Variants in TCF12 observed in about 807,000 individuals in gnomAD.
The protein encoded by TCF12 is DNA-binding protein HTF4.
A neutral mutation model predicts 86.0 loss-of-function variants in TCF12; 45 were observed. The observed-to-expected ratio is 0.52, with a 90% CI of 0.41 to 0.67. TCF12 has a LOEUF of 0.67. TCF12 is among the 30% of genes least tolerant of loss of function. TCF12 has a pLI of 0.00. For missense variants in TCF12, 881 were observed against 859.9 expected (o/e 1.02, Z -0.31); for synonymous variants, 330 against 299.6 (o/e 1.10, Z -1.05).
At chr15:57,242,315 CA>C (rs2059669561) in intron 12 of TCF12, among the ~76,000 whole-genome samples, 1 of 152,116 alleles carries the variant, frequency 6.6e-6, no homozygotes, top group South Asian at 2.1e-4. Flanking sequence ...GATTATTATG[CA>C]TATTAAAAGA....
chr15:57,084,943 G>A (rs548673068), intron 4 of TCF12, among the ~76,000 whole-genome samples: 4 of 152,136 alleles, frequency 2.6e-5, no homozygotes, highest in African/African-American at 9.6e-5. Flanking sequence ...ACACTATATA[G>A]TACAGTTTTT....
At chr15:57,155,696 G>C (rs1391948358) in intron 5 of TCF12, among the ~76,000 whole-genome samples, 1 of 152,148 alleles carries the variant, frequency 6.6e-6, no homozygotes, top group African/African-American at 2.4e-5. Flanking sequence ...TTGGAAGGCT[G>C]AAGCAGGAGG....
intron 3 of TCF12, among the ~76,000 whole-genome samples, chr15:56,967,317 C>T (rs556598038): frequency 2.4e-4 from 36 of 150,880 alleles, no homozygotes; most frequent in African/African-American, 6.3e-4. Flanking sequence ...AAAAAAAAAA[C>T]GCTGAAGTTG....
intron 8 of TCF12, among the ~76,000 whole-genome samples, chr15:57,213,315 G>T (rs1426735501): frequency 6.6e-6 from 1 of 152,128 alleles, no homozygotes; most frequent in African/African-American, 2.4e-5. Context: ...ATAAATTCAA[G>T]ATCTGTATGA....
intron 3 of TCF12, among the ~76,000 whole-genome samples, chr15:57,021,318 G>C (rs1266367410): frequency 6.6e-6 from 1 of 152,204 alleles, no homozygotes. Flanking sequence ...GGGAAGGCAT[G>C]GGTAAGCTCT....
intron 8 of TCF12, among the ~76,000 whole-genome samples, chr15:57,203,445 A>G (rs2057655396): frequency 1.3e-5 from 2 of 152,204 alleles, no homozygotes; most frequent in Non-Finnish European, 2.9e-5. Context: ...ATATCAGAAC[A>G]AGTCTTTCCA....
At chr15:57,042,038 T>C (rs1216693486) in intron 3 of TCF12, among the ~76,000 whole-genome samples, 1 of 152,212 alleles carries the variant, frequency 6.6e-6, no homozygotes, top group Non-Finnish European at 1.5e-5. Context: ...ATTAATATAA[T>C]TGCCATTTTC....
intron 3 of TCF12, among the ~76,000 whole-genome samples, chr15:57,024,638 T>C (rs1412628034): frequency 6.6e-6 from 1 of 152,248 alleles, no homozygotes; most frequent in Non-Finnish European, 1.5e-5. Context: ...GCTTTAGAGC[T>C]GCTGCCAAAG....
At chr15:56,923,177 T>C (rs2059866025) in intron 3 of TCF12, among the ~76,000 whole-genome samples, 1 of 152,072 alleles carries the variant, frequency 6.6e-6, no homozygotes, top group African/African-American at 2.4e-5. Flanking sequence ...GTAATTTCCT[T>C]TCTTATTTGT....
At chr15:57,227,731 A>G (rs1282057602) in intron 8 of TCF12, among the ~76,000 whole-genome samples, 1 of 152,078 alleles carries the variant, frequency 6.6e-6, no homozygotes, top group Non-Finnish European at 1.5e-5. Context: ...TTAGAGGGGA[A>G]AGTATAAGTG....
rs2059202708 is a variant in TCF12 at position 57,232,838 on chromosome 15, G to A, written c.952G>A (p.Gly318Arg). The A allele has an allele frequency of 3.8e-6, 6 of 1,596,606 alleles. No individual in the cohort carries two copies. The highest frequency in any genetic ancestry group is 5.1e-6 in the Non-Finnish European group (6 of 1,171,848). ...TGCCTCACACACTCCTCCCATCAATGGATCAGACAGCATTCTAGGTGAGCT... is the reference window on the plus strand; with the variant it reads ...TGCCTCACACACTCCTCCCATCAATAGATCAGACAGCATTCTAGGTGAGCT... ...VAASHTPPINGSDSILGTRGN... is the reference protein window; with the variant it reads ...VAASHTPPINRSDSILGTRGN... Residue 318 changes from glycine (G) to arginine (R), a missense_variant, in exon 11 of 21, where the codon GGA (glycine) becomes AGA (arginine). This residue lies in a region of TCF12 where 766 missense variants were observed against 718.9 expected (regional missense o/e 1.07). Coordinates refer to ENST00000333725, the MANE Select transcript of TCF12 (RefSeq NM_207037.2).
intron 3 of TCF12, among the ~76,000 whole-genome samples, chr15:57,053,496 T>G (rs1328273393): frequency 6.6e-6 from 1 of 152,230 alleles, no homozygotes; most frequent in Non-Finnish European, 1.5e-5. Flanking sequence ...TGTTTTTGCT[T>G]TTTTGTCTGT....
intron 3 of TCF12, among the ~76,000 whole-genome samples, chr15:56,938,133 C>CT (rs201780739): frequency 1.2e-4 from 15 of 124,790 alleles, no homozygotes; most frequent in African/African-American, 4.3e-4. Flanking sequence ...CTGTAGTTTG[C>CT]TTTTTTTTCT....
At chr15:57,161,997 C>T (rs983926215) in intron 5 of TCF12, among the ~76,000 whole-genome samples, 2 of 151,910 alleles carry the variant, frequency 1.3e-5, no homozygotes, top group African/African-American at 2.4e-5. Context: ...CTGAGAAGTC[C>T]GCCCAAGAGG....
At chr15:57,197,999 T>G (rs1381073129) in intron 8 of TCF12, among the ~76,000 whole-genome samples, 174 bp downstream of exon 8, 1 of 152,226 alleles carries the variant, frequency 6.6e-6, no homozygotes, top group Non-Finnish European at 1.5e-5. Context: ...TGTTTGGTTT[T>G]TAGATTTCTC....
At chr15:56,979,701 A>T (rs1808929816) in intron 3 of TCF12, among the ~76,000 whole-genome samples, 1 of 152,206 alleles carries the variant, frequency 6.6e-6, no homozygotes. Flanking sequence ...GAAAAAAATT[A>T]CAGATTTCTA....
chr15:56,927,230 G>A (rs1056944966), intron 3 of TCF12, among the ~76,000 whole-genome samples: 24 of 152,136 alleles, frequency 1.6e-4, no homozygotes, highest in Non-Finnish European at 3.2e-4. Flanking sequence ...AGATGTATGA[G>A]GGAAGCATGC....
At chr15:57,083,365 C>T (rs550518080) in intron 4 of TCF12, among the ~76,000 whole-genome samples, 1 of 151,804 alleles carries the variant, frequency 6.6e-6, no homozygotes, top group African/African-American at 2.4e-5. Flanking sequence ...GATTTTTTTC[C>T]TGCTTACTTG....
intron 3 of TCF12, among the ~76,000 whole-genome samples, chr15:56,964,846 T>G (rs1170596873): frequency 6.6e-6 from 1 of 152,202 alleles, no homozygotes; most frequent in Non-Finnish European, 1.5e-5. Flanking sequence ...AAAATCATAT[T>G]CAAATAATAG....
Sources: allele counts gnomAD v4.1 joint callset (sites outside exome capture counted in the v4.1 genomes callset), GRCh38; gene constraint gnomAD v4.1.1; regional missense constraint gnomAD v4.1.1; transcripts MANE v1.5; gene names NCBI Gene and HGNC (gene_info 2026-07-23, HGNC 2026-07-21).